The following SYT16 variants were observed in gnomAD, a reference collection of about 807,000 sequenced individuals.
SYT16 encodes synaptotagmin-16.
Under a neutral mutation model 61.4 loss-of-function variants are expected in SYT16, and 42 were observed. The ratio of observed to expected loss-of-function variants is 0.68; its 90% CI spans 0.53 to 0.89. SYT16 has a LOEUF of 0.89. SYT16 is among the 40% of genes least tolerant of loss of function. SYT16 has a pLI of 0.00. For missense variants in SYT16, 804 were observed against 807.3 expected (o/e 1.00, Z 0.05); for synonymous variants, 314 against 302.3 (o/e 1.04, Z -0.40).
At position 61,999,541 on chromosome 14, in the gene SYT16, CTG is replaced by C. The variant is rs538879687; in HGVS notation, c.523+3003_523+3004del. ...ATTATTTGTCTATCCACCTACCTAT[CTG>C]TGTTTTTTCCAAATATCTCATTTTT... On this transcript the variant is annotated intron_variant, in intron 3 of 7. Transcript: ENST00000683842. Among the ~76,000 whole-genome samples the C allele has an allele frequency of 7.4e-3, 1,117 of 151,768 alleles. 12 individuals carry two copies. The highest frequency in any genetic ancestry group is 0.025 in the African/African-American group (1,050 of 41,504).
chr14:61,914,689 A>G (rs57047668), intron 1 of SYT16, among the ~76,000 whole-genome samples: 8,439 of 152,230 alleles, frequency 0.055, 788 homozygotes, highest in African/African-American at 0.19. Context: ...CAACAAGTTG[A>G]TTTGGGTTTC....
At chr14:61,840,799 A>G (rs1408319006) in intron 1 of SYT16, among the ~76,000 whole-genome samples, 2 of 152,194 alleles carry the variant, frequency 1.3e-5, no homozygotes, top group South Asian at 2.1e-4. Context: ...GCTCATAAAT[A>G]TAGGCTATTC....
intron 3 of SYT16, among the ~76,000 whole-genome samples, chr14:62,068,767 C>A (rs532754380): frequency 1.3e-5 from 2 of 152,086 alleles, no homozygotes; most frequent in African/African-American, 4.8e-5. Context: ...TTAAAACACA[C>A]ACACACACAC....
At chr14:61,896,964 CAG>C (rs1013075782) in intron 1 of SYT16, among the ~76,000 whole-genome samples, 1 of 152,162 alleles carries the variant, frequency 6.6e-6, no homozygotes, top group African/African-American at 2.4e-5. Flanking sequence ...TGATCTAAGA[CAG>C]AGGTCAACAA....
intron 1 of SYT16, among the ~76,000 whole-genome samples, chr14:61,930,287 C>T (rs1460071470): frequency 6.6e-6 from 1 of 152,056 alleles, no homozygotes; most frequent in East Asian, 1.9e-4. Flanking sequence ...GTTCACAGAG[C>T]CGTGTGTACC....
intron 1 of SYT16, among the ~76,000 whole-genome samples, chr14:61,852,543 T>A (rs941717648): frequency 6.6e-5 from 10 of 152,316 alleles, no homozygotes; most frequent in Admixed American, 2.0e-4. Flanking sequence ...GATTCTCCTA[T>A]CCAAGAGCAT....
chr14:62,071,255 G>T (rs1035695342), intron 4 of SYT16, among the ~76,000 whole-genome samples: 3 of 152,286 alleles, frequency 2.0e-5, no homozygotes, highest in Admixed American at 1.3e-4. Flanking sequence ...GCTAATGAAA[G>T]TTAATAGCAG....
intron 1 of SYT16, among the ~76,000 whole-genome samples, chr14:61,948,634 G>C (rs540209366): frequency 6.6e-6 from 1 of 152,242 alleles, no homozygotes; most frequent in East Asian, 1.9e-4. Context: ...TCCTGGTAGA[G>C]ATATACGTGC....
intron 1 of SYT16, among the ~76,000 whole-genome samples, chr14:61,843,126 A>G (rs2046348063): frequency 6.6e-6 from 1 of 151,772 alleles, no homozygotes; most frequent in East Asian, 1.9e-4. Context: ...ATCATATGGT[A>G]GCTCCATTTT....
At chr14:62,096,457 T>C (rs2057277489) in intron 7 of SYT16, among the ~76,000 whole-genome samples, 1 of 152,024 alleles carries the variant, frequency 6.6e-6, no homozygotes, top group African/African-American at 2.4e-5. Context: ...TAAATGTTCA[T>C]TAACAGAATG....
At chr14:61,819,139 T>G (rs544709181) in intron 1 of SYT16, among the ~76,000 whole-genome samples, 1 of 152,328 alleles carries the variant, frequency 6.6e-6, no homozygotes, top group South Asian at 2.1e-4. Context: ...TCTATATGTT[T>G]TATAAAAGAA....
chr14:61,904,084 A>G (rs2048617104), intron 1 of SYT16, among the ~76,000 whole-genome samples: 1 of 152,158 alleles, frequency 6.6e-6, no homozygotes. Context: ...TACTGCTCAC[A>G]CTGGATACTT....
At chr14:61,935,564 G>A (rs2049947271) in intron 1 of SYT16, among the ~76,000 whole-genome samples, 1 of 152,132 alleles carries the variant, frequency 6.6e-6, no homozygotes, top group South Asian at 2.1e-4. Context: ...ATACCAGTGA[G>A]GGTAAGAAAA....
chr14:61,886,116 C>T (rs933809935), intron 1 of SYT16, among the ~76,000 whole-genome samples: 1 of 152,038 alleles, frequency 6.6e-6, no homozygotes, highest in African/African-American at 2.4e-5. Flanking sequence ...AGGCGCCCAC[C>T]ACCACGCCCA....
intron 1 of SYT16, among the ~76,000 whole-genome samples, chr14:61,967,731 C>T (rs1053257757): frequency 6.6e-6 from 1 of 152,142 alleles, no homozygotes; most frequent in East Asian, 1.9e-4. Flanking sequence ...GACCTTTATT[C>T]CATATAGGGT....
intron 3 of SYT16, among the ~76,000 whole-genome samples, chr14:62,032,715 TA>T (rs530028053): frequency 0.097 from 14,201 of 146,200 alleles, 833 homozygotes; most frequent in Non-Finnish European, 0.13. Flanking sequence ...CTACAGTTAG[TA>T]AAAAAAAAAA....
chr14:62,047,748 A>T (rs1177982022), intron 3 of SYT16, among the ~76,000 whole-genome samples: 36 of 152,054 alleles, frequency 2.4e-4, no homozygotes, highest in Admixed American at 2.4e-3. Flanking sequence ...GGTTTTTGTC[A>T]TTGGTTCTGT....
rs78958920 is a variant in SYT16, at chr14:61,939,600, T to C, written c.-324-30532T>C. Among the ~76,000 whole-genome samples the C allele has an allele frequency of 1.1e-3, 170 of 152,312 alleles. 5 individuals are homozygous for C. The East Asian group carries it at 0.031, about 28-fold the overall frequency. On this transcript the variant is annotated intron_variant, in intron 1 of 7. Coordinates refer to ENST00000683842, the MANE Select transcript of SYT16 (RefSeq NM_001367656.1). ...TACATGCCTGTGGCCAGATTTCCTC[T>C]TTTTATGAGGATGCCAGTCGTGTTG...
At position 61,989,228 on chromosome 14, in the gene SYT16, G is replaced by T. The variant is rs116236544; in HGVS notation, c.-144-6648G>T. Reference sequence around the variant, plus strand: ...TACCTTTTGAAATATGATGAATTTGGGATTAATATTGAATACCTGATGTTG... The same window carrying T: ...TACCTTTTGAAATATGATGAATTTGTGATTAATATTGAATACCTGATGTTG... On this transcript the variant is annotated intron_variant, in intron 2 of 7. Transcript: ENST00000683842. 7.3e-3 allele frequency among the ~76,000 whole-genome samples: 1,117 copies of T among 152,124 alleles called. 12 individuals are homozygous for T. Among genetic ancestry groups the T allele is most frequent in the African/African-American group, 0.025 (1,050 of 41,496 alleles).
Sources: allele counts gnomAD v4.1 joint callset (sites outside exome capture counted in the v4.1 genomes callset), GRCh38; gene constraint gnomAD v4.1.1; transcripts MANE v1.5; gene names NCBI Gene and HGNC (gene_info 2026-07-23, HGNC 2026-07-21).